Variants in KLHL29 observed in about 807,000 individuals in gnomAD.
KLHL29 encodes the protein kelch-like protein 29.
In KLHL29, 21 loss-of-function variants were observed where a neutral mutation model predicts 80.4. The ratio of observed to expected loss-of-function variants is 0.26; its 90% CI spans 0.19 to 0.38. KLHL29 has a LOEUF of 0.38. Ranked by LOEUF, KLHL29 falls within the 10% of genes least tolerant of loss-of-function variation. The probability of loss-of-function intolerance (pLI) is 1.00; values close to 1 mark genes in which losing one functional copy is unlikely to be tolerated. For missense variants in KLHL29, 867 were observed against 1,223.9 expected (o/e 0.71, Z 4.35); for synonymous variants, 511 against 526.8 (o/e 0.97, Z 0.41).
At chr2:23,483,950 T>C (rs548430871) in intron 2 of KLHL29, among the ~76,000 whole-genome samples, 3 of 152,186 alleles carry the variant, frequency 2.0e-5, no homozygotes, top group Non-Finnish European at 4.4e-5. Flanking sequence ...CGACCATTAG[T>C]GCAGCACATA....
chr2:23,669,673 G>A lies in KLHL29; in HGVS notation c.941-14726G>A, dbSNP rs971755888. 2.0e-5 allele frequency among the ~76,000 whole-genome samples: 3 copies of A among 152,132 alleles called. No individual in the cohort carries two copies. The highest frequency in any genetic ancestry group is 4.4e-5 in the Non-Finnish European group (3 of 68,020). On this transcript the variant is annotated intron_variant, in intron 5 of 13. Transcript: ENST00000486442. The surrounding 1 kb of genome is among the most constrained non-coding windows in gnomAD (Gnocchi z 4.3). ...CAGCGTTTGTGTTCACGTAGGGGAT[G>A]GTCCCCCCTCTGTGTGGCTGCCCTG...
chr2:23,589,298 C>T (rs907517652), intron 3 of KLHL29, among the ~76,000 whole-genome samples: 1 of 152,194 alleles, frequency 6.6e-6, no homozygotes, highest in Non-Finnish European at 1.5e-5. Flanking sequence ...GAAGCTGTCC[C>T]CACTGGGACA....
intron 1 of KLHL29, among the ~76,000 whole-genome samples, chr2:23,399,528 G>A (rs17738980): frequency 0.26 from 40,127 of 152,078 alleles, 6,589 homozygotes; most frequent in Admixed American, 0.35. Context: ...GGCACTTGCC[G>A]TGTTACCCGC....
chr2:23,592,927 G>T, intron 3 of KLHL29, among the ~76,000 whole-genome samples: 1 of 152,262 alleles, frequency 6.6e-6, no homozygotes, highest in South Asian at 2.1e-4. Flanking sequence ...CCACCATTTG[G>T]TTTTGTAGGT....
At chr2:23,403,248 G>A (rs1427431994) in intron 1 of KLHL29, among the ~76,000 whole-genome samples, 3 of 152,128 alleles carry the variant, frequency 2.0e-5, no homozygotes, top group Non-Finnish European at 4.4e-5. Flanking sequence ...CCCATAGTGA[G>A]CAGTATGTGT....
intron 13 of KLHL29, among the ~76,000 whole-genome samples, chr2:23,704,457 A>G (rs1161501472): frequency 6.6e-6 from 1 of 152,190 alleles, no homozygotes; most frequent in Non-Finnish European, 1.5e-5. Flanking sequence ...CTGGACTAAG[A>G]GGAACAAGGA....
intron 1 of KLHL29, among the ~76,000 whole-genome samples, chr2:23,467,983 C>G (rs771013742): frequency 6.6e-6 from 1 of 151,794 alleles, no homozygotes; most frequent in Non-Finnish European, 1.5e-5. Context: ...CCAGCCATCC[C>G]CATGGCACTA....
At chr2:23,499,655 C>T (rs1421268254) in intron 2 of KLHL29, among the ~76,000 whole-genome samples, 1 of 152,286 alleles carries the variant, frequency 6.6e-6, no homozygotes, top group East Asian at 1.9e-4. Context: ...GTCTTCAGCC[C>T]CTTGGGCACA....
At position 23,579,628 on chromosome 2, in the gene KLHL29, C is replaced by A. The variant is rs114595776; in HGVS notation, c.285+17147C>A. The stretch of plus-strand genomic sequence containing the variant: ...CTGCCATAGTCCAGGCCCATCATAT[C>A]TCACTTGAGGGGACAGAAATTGCCT... On this transcript the variant is annotated intron_variant, in intron 3 of 13. Coordinates refer to ENST00000486442, the MANE Select transcript of KLHL29 (RefSeq NM_052920.2). 4.5e-3 allele frequency among the ~76,000 whole-genome samples: 681 copies of A among 152,288 alleles called. 5 individuals are homozygous for A. Among genetic ancestry groups the A allele is most frequent in the African/African-American group, 0.016 (667 of 41,562 alleles).
At chr2:23,564,540 T>G (rs1667537898) in intron 3 of KLHL29, among the ~76,000 whole-genome samples, 1 of 152,180 alleles carries the variant, frequency 6.6e-6, no homozygotes, top group Non-Finnish European at 1.5e-5. Flanking sequence ...CCAGGAGCAC[T>G]GGGTGGGGGG....
At position 23,669,674 on chromosome 2, in the gene KLHL29, G is replaced by GT. The variant is rs1180399197; in HGVS notation, c.941-14724dup. Among the ~76,000 whole-genome samples, 6 of 152,144 alleles carry GT rather than the reference G, an allele frequency of 3.9e-5. No homozygotes were observed. The highest frequency in any genetic ancestry group is 1.3e-4 in the Admixed American group (2 of 15,288). On this transcript the variant is annotated intron_variant, in intron 5 of 13. Coordinates refer to ENST00000486442, the MANE Select transcript of KLHL29 (RefSeq NM_052920.2). The surrounding 1 kb of genome is among the most constrained non-coding windows in gnomAD (Gnocchi z 4.3). ...AGCGTTTGTGTTCACGTAGGGGATGGTCCCCCCTCTGTGTGGCTGCCCTGC... is the reference window on the plus strand; with the variant it reads ...AGCGTTTGTGTTCACGTAGGGGATGGTTCCCCCCTCTGTGTGGCTGCCCTGC...
intron 2 of KLHL29, among the ~76,000 whole-genome samples, chr2:23,476,355 T>C (rs1394212269): frequency 6.6e-6 from 1 of 152,124 alleles, no homozygotes; most frequent in Non-Finnish European, 1.5e-5. Context: ...ATTTATTCAT[T>C]ATAAAGGGAT....
At chr2:23,618,954 A>G (rs930114618) in intron 3 of KLHL29, among the ~76,000 whole-genome samples, 1 of 152,230 alleles carries the variant, frequency 6.6e-6, no homozygotes, top group Non-Finnish European at 1.5e-5. Flanking sequence ...AACTGTGTGA[A>G]TAGAAATGAG....
intron 7 of KLHL29, among the ~76,000 whole-genome samples, chr2:23,692,904 C>T (rs1671711147): frequency 6.6e-6 from 1 of 152,160 alleles, no homozygotes; most frequent in African/African-American, 2.4e-5. Context: ...ATGGAAGATG[C>T]TGTAAGCCTC....
At chr2:23,653,620 G>GC (rs1251791848) in intron 5 of KLHL29, among the ~76,000 whole-genome samples, 1 of 152,232 alleles carries the variant, frequency 6.6e-6, no homozygotes, top group African/African-American at 2.4e-5. Flanking sequence ...GTCAGCCAGG[G>GC]CCACAGAGGA....
chr2:23,643,094 A>G, intron 5 of KLHL29: 1 of 655,880 alleles, frequency 1.5e-6, no homozygotes, highest in Non-Finnish European at 2.8e-6. Context: ...AAGAGGAAGG[A>G]AGGGAGAGCC....
In KLHL29 at chr2:23,696,169, G is replaced by A; in HGVS notation, c.1924+36G>A. ...CCGGGGTTGGGGCGGGACCAGGCAT[G>A]GGGGTCCCAAGGGGACTGCTCCCCA... On this transcript the variant is annotated intron_variant, in intron 10 of 13. Transcript: ENST00000486442. This position sits in a 1 kb window ranked among gnomAD's most constrained non-coding sequence, Gnocchi z 5.5. The A allele has an allele frequency of 6.5e-7, 1 of 1,538,184 alleles. No individual in the cohort carries two copies. Among genetic ancestry groups the A allele is most frequent in the South Asian group, 1.2e-5 (1 of 82,554 alleles).
At chr2:23,594,860 G>A (rs181538274) in intron 3 of KLHL29, among the ~76,000 whole-genome samples, 13 of 152,252 alleles carry the variant, frequency 8.5e-5, no homozygotes, top group African/African-American at 2.9e-4. Flanking sequence ...TTTTGCTTAA[G>A]GTCAGGACAT....
intron 2 of KLHL29, among the ~76,000 whole-genome samples, chr2:23,525,547 G>A (rs373134791): frequency 6.6e-6 from 1 of 152,234 alleles, no homozygotes; most frequent in African/African-American, 2.4e-5. Flanking sequence ...CCAAGGGACA[G>A]TTCCTTCTGG....
Sources: gnomAD v4.1 joint callset for allele counts (sites outside exome capture counted in the v4.1 genomes callset) on GRCh38, gnomAD v4.1.1 for gene constraint, Gnocchi (gnomAD v3.1) non-coding constraint, MANE v1.5 for transcripts, NCBI Gene and HGNC (gene_info 2026-07-23, HGNC 2026-07-21) for gene names.